GUCY2F: variants seen among roughly 807,000 people sequenced by gnomAD.
GUCY2F encodes the protein retinal guanylyl cyclase 2.
Under a neutral mutation model 73.1 loss-of-function variants are expected in GUCY2F, and 61 were observed. The observed-to-expected ratio is 0.83, with a 90% CI of 0.68 to 1.03. The LOEUF is 1.03. Ranked by LOEUF, GUCY2F falls within the 50% of genes least tolerant of loss-of-function variation. The pLI is 0.00. For missense variants in GUCY2F, 912 were observed against 854.3 expected (o/e 1.07, Z -0.84); for synonymous variants, 331 against 307.8 (o/e 1.08, Z -0.79).
chrX:109,388,731 G>T, intron 14 of GUCY2F, 68 bp from the exon 15 acceptor site: 1 of 717,288 alleles, frequency 1.4e-6, no homozygotes, highest in Non-Finnish European at 2.1e-6. Flanking sequence ...AGAGCTGTAA[G>T]GGTATAATGG....
At chrX:109,390,411 A>G (rs1930532871) in intron 14 of GUCY2F, among the ~76,000 whole-genome samples, 1 of 112,051 alleles carries the variant, frequency 8.9e-6, no homozygotes, top group South Asian at 3.7e-4. Flanking sequence ...GAAAATAAAA[A>G]CACAAATGAG....
chrX:109,390,026 A>T (rs1395549745), intron 14 of GUCY2F, among the ~76,000 whole-genome samples: 1 of 112,151 alleles, frequency 8.9e-6, no homozygotes, highest in Non-Finnish European at 1.9e-5. Context: ...CACAGGAAGG[A>T]AGGATTACAA....
At chrX:109,447,539 A>G (rs756412062) in intron 6 of GUCY2F, among the ~76,000 whole-genome samples, 1 of 103,708 alleles carries the variant, frequency 9.6e-6, no homozygotes, top group Admixed American at 1.1e-4. Context: ...GAAACCAAAC[A>G]TGGCATGTTC....
intron 16 of GUCY2F, among the ~76,000 whole-genome samples, chrX:109,383,935 T>A (rs1930377038): frequency 8.9e-6 from 1 of 112,733 alleles, no homozygotes; most frequent in East Asian, 2.8e-4. Flanking sequence ...TTTCACTTCA[T>A]CTTGGGTTGC....
intron 19 of GUCY2F, among the ~76,000 whole-genome samples, chrX:109,375,168 A>C (rs1441932492): frequency 1.1e-5 from 1 of 94,982 alleles, no homozygotes; most frequent in Non-Finnish European, 2.1e-5. Context: ...AGAAAGCAAG[A>C]TTTAAAAAAA....
At chrX:109,435,564 C>T (rs957184425) in intron 7 of GUCY2F, among the ~76,000 whole-genome samples, 14 of 110,355 alleles carry the variant, frequency 1.3e-4, no homozygotes, top group Non-Finnish European at 2.1e-4. Flanking sequence ...ACAATCATGC[C>T]GTCTGCAAAC....
At chrX:109,443,556 T>C (rs1322609381) in intron 6 of GUCY2F, among the ~76,000 whole-genome samples, 3 of 111,824 alleles carry the variant, frequency 2.7e-5, no homozygotes, top group African/African-American at 9.7e-5. Context: ...TAGCTATTTA[T>C]GGTAATTTTG....
chrX:109,397,638 T>C (rs945247516), intron 11 of GUCY2F, among the ~76,000 whole-genome samples: 1 of 111,802 alleles, frequency 8.9e-6, no homozygotes, highest in East Asian at 2.8e-4. Flanking sequence ...TAATGTCCTT[T>C]TTCTGTTCCA....
chrX:109,427,965 T>C (rs1248394244), intron 8 of GUCY2F, among the ~76,000 whole-genome samples: 1 of 112,307 alleles, frequency 8.9e-6, no homozygotes, highest in African/African-American at 3.2e-5. Context: ...GATTGATTGA[T>C]ATGAATATTA....
chrX:109,410,789 C>T (rs1469774768), intron 8 of GUCY2F, among the ~76,000 whole-genome samples: 1 of 111,762 alleles, frequency 8.9e-6, no homozygotes, highest in East Asian at 2.8e-4. Flanking sequence ...AATATGTGGA[C>T]TCTCTCAAAG....
At chrX:109,383,543 T>C in intron 16 of GUCY2F, 1 of 167,620 alleles carries the variant, frequency 6.0e-6, no homozygotes, top group Non-Finnish European at 9.8e-6. Context: ...GCTACCTCTC[T>C]ACAGATCTCC....
At chrX:109,393,170 T>A (rs2147254434) in intron 12 of GUCY2F, 115 bp from the exon 13 acceptor site, 1 of 475,509 alleles carries the variant, frequency 2.1e-6, no homozygotes, top group East Asian at 3.5e-5. Flanking sequence ...GCAGGAAAGG[T>A]GAACCCAGAT....
rs1470905854 is a variant in GUCY2F at position 109,404,406 on chromosome X, CA to C, written c.2046del (p.Phe682LeufsTer3). 11 of 1,186,671 alleles carry C rather than the reference CA, an allele frequency of 9.3e-6. No individual in the cohort carries two copies. The highest frequency in any genetic ancestry group is 1.3e-5 in the Non-Finnish European group (11 of 872,784). On this transcript the variant is annotated frameshift_variant, in exon 10 of 20. Transcript: ENST00000218006. LOFTEE classifies it high-confidence loss of function. ...KSRNCVVDGR[F>X]VLKVTDYGFN... Reference sequence around the variant, plus strand: ...AAGCCATAATCTGTCACTTTTAGTACAAAACGCCCATCTACCACACAGTTTC... The same window carrying C: ...AAGCCATAATCTGTCACTTTTAGTACAAACGCCCATCTACCACACAGTTTC...
chrX:109,425,559 T>C (rs745651146), intron 8 of GUCY2F, among the ~76,000 whole-genome samples: 1 of 108,987 alleles, frequency 9.2e-6, no homozygotes, highest in South Asian at 4.0e-4. Flanking sequence ...AATGGGAAAC[T>C]CAACATCGTA....
At chrX:109,432,497 C>T (rs889565434) in intron 7 of GUCY2F, among the ~76,000 whole-genome samples, 3 of 112,291 alleles carry the variant, frequency 2.7e-5, no homozygotes, top group African/African-American at 9.7e-5. Flanking sequence ...ACAAAAAAGC[C>T]TTCCCGGCAC....
intron 8 of GUCY2F, among the ~76,000 whole-genome samples, chrX:109,417,384 A>G (rs953827052): frequency 1.5e-4 from 17 of 111,283 alleles, no homozygotes; most frequent in African/African-American, 5.5e-4. Context: ...CAAATTTCCT[A>G]TGTTTTAAGT....
At chrX:109,393,897 A>C (rs1384569689) in intron 12 of GUCY2F, among the ~76,000 whole-genome samples, 1 of 112,420 alleles carries the variant, frequency 8.9e-6, no homozygotes, top group East Asian at 2.8e-4. Context: ...GCTCTGTCCC[A>C]GTGAACCTCT....
At position 109,409,150 on chromosome X, in the gene GUCY2F, C is replaced by T. The variant is rs750548165; in HGVS notation, c.1810G>A (p.Glu604Lys). 3 of 1,117,088 alleles carry T rather than the reference C, an allele frequency of 2.7e-6. No homozygotes were observed. The highest frequency in any genetic ancestry group is 6.0e-5 in the East Asian group (2 of 33,366). The allele number at this position is 1,117,088 out of a possible 1,213,427, so 92.1% of individuals were successfully genotyped here. A position where few individuals can be genotyped will look rare whatever the true frequency, so the allele number is the denominator to read the frequency against. Reference protein sequence around the residue: ...VFEMMKDLRHENINPLLGFFY... With the variant: ...VFEMMKDLRHKNINPLLGFFY... ...AAACCCAATAAAGGGTTAATATTCT[C>T]ATGACGCAAGTCCTTCATCTGGAAA... is the stretch of plus-strand genomic sequence containing the variant. The change falls in exon 9 of 20, where the codon GAG becomes AAG. Residue 604 changes from glutamate to lysine, a missense_variant. Physicochemically the swap from Glu to Lys is moderately conservative, Grantham distance 56. Transcript: ENST00000218006.
intron 6 of GUCY2F, among the ~76,000 whole-genome samples, chrX:109,441,946 G>A (rs1931882130): frequency 8.9e-6 from 1 of 111,754 alleles, no homozygotes; most frequent in African/African-American, 3.3e-5. Context: ...TGACTCTCAG[G>A]AGTGGCTCTT....
Sources: gnomAD v4.1 joint callset for allele counts (sites outside exome capture counted in the v4.1 genomes callset) on GRCh38, gnomAD v4.1.1 for gene constraint, MANE v1.5 for transcripts, NCBI Gene and HGNC (gene_info 2026-07-23, HGNC 2026-07-21) for gene names.